Variants in DIP2C observed in about 807,000 individuals in gnomAD.
DIP2C encodes the protein disco-interacting protein 2 homolog C.
A neutral mutation model predicts 192.4 loss-of-function variants in DIP2C; 33 were observed. The ratio of observed to expected loss-of-function variants is 0.17; its 90% CI spans 0.13 to 0.23. DIP2C has a LOEUF of 0.23. DIP2C is among the 10% of genes least tolerant of loss of function. DIP2C has a pLI of 1.00. For synonymous variants in DIP2C, 979 were observed against 864.1 expected (o/e 1.13, Z -2.33); for missense variants, 1,537 against 2,110.1 (o/e 0.73, Z 5.32).
intron 34 of DIP2C, among the ~76,000 whole-genome samples, chr10:285,591 G>T (rs532777070): frequency 6.8e-4 from 104 of 152,356 alleles, no homozygotes; most frequent in African/African-American, 2.4e-3. Context: ...CAGAGAGAAT[G>T]CGGCGGAAGG....
chr10:615,128 C>T (rs948570011), intron 1 of DIP2C, among the ~76,000 whole-genome samples: 1 of 152,184 alleles, frequency 6.6e-6, no homozygotes, highest in Non-Finnish European at 1.5e-5. Flanking sequence ...GTGATTCCCA[C>T]GACACACGTG....
At chr10:452,551 A>C (rs1968933687) in intron 3 of DIP2C, among the ~76,000 whole-genome samples, 1 of 152,198 alleles carries the variant, frequency 6.6e-6, no homozygotes, top group South Asian at 2.1e-4. Flanking sequence ...GCCAGAAAGG[A>C]GCATCCGGCC....
intron 32 of DIP2C, among the ~76,000 whole-genome samples, chr10:290,719 T>C (rs1955447142): frequency 1.3e-5 from 2 of 152,148 alleles, no homozygotes; most frequent in South Asian, 4.1e-4. Flanking sequence ...GGGAAAGAAC[T>C]AGGAGGGGGT....
At chr10:588,596 C>T (rs1851224427) in intron 1 of DIP2C, among the ~76,000 whole-genome samples, 1 of 152,186 alleles carries the variant, frequency 6.6e-6, no homozygotes, top group Admixed American at 6.5e-5. Context: ...GGCAGAGGTC[C>T]CAGGAGGCAA....
rs1170307332 is a variant in DIP2C, at chr10:417,879, C to T, written c.739+1186G>A. ...CAGAGCTCGGACAGGCCTCCCTGTC[C>T]ACCTGCACCTGTCAGGGCTCGGATA... On this transcript the variant is annotated intron_variant, in intron 6 of 36. Coordinates refer to ENST00000280886, the MANE Select transcript of DIP2C (RefSeq NM_014974.3). Among the ~76,000 whole-genome samples, 124 of 85,328 alleles carry T rather than the reference C, an allele frequency of 1.5e-3. 17 individuals are homozygous for T. The highest frequency in any genetic ancestry group is 2.1e-3 in the Non-Finnish European group (92 of 42,852). 56.0% of individuals were successfully genotyped at this position (85,328 alleles called of 152,430 possible). A position where few individuals can be genotyped will look rare whatever the true frequency, so the allele number is the denominator to read the frequency against.
chr10:640,718 C>G (rs1443524551), intron 1 of DIP2C, among the ~76,000 whole-genome samples: 1 of 143,924 alleles, frequency 6.9e-6, no homozygotes, highest in African/African-American at 2.8e-5. Flanking sequence ...GAAGAGGCTG[C>G]GCGCGGGGAA....
At position 274,332 on chromosome 10, in the gene DIP2C, T is replaced by G. The variant is rs765067807; in HGVS notation, c.*2993A>C. ...TTAAACATTTTTCAAAGTATGATTA[T>G]CTGTACTAAGTAATGCAACAAATTA... On this transcript the variant is annotated 3_prime_UTR_variant, in exon 37 of 37. Transcript: ENST00000280886. The G allele has an allele frequency of 6.6e-6, 1 of 152,256 alleles. No homozygotes were observed. The highest frequency in any genetic ancestry group is 2.4e-5 in the African/African-American group (1 of 41,468). 9.4% of individuals were successfully genotyped at this position (152,256 alleles called of 1,614,324 possible).
At chr10:532,335 CT>C (rs1344489301) in intron 1 of DIP2C, among the ~76,000 whole-genome samples, 1 of 152,174 alleles carries the variant, frequency 6.6e-6, no homozygotes, top group Non-Finnish European at 1.5e-5. Context: ...CACTCCCTCT[CT>C]CCCCTGGACA....
chr10:528,121 C>G (rs1379383594), intron 1 of DIP2C, among the ~76,000 whole-genome samples: 1 of 152,164 alleles, frequency 6.6e-6, no homozygotes, highest in African/African-American at 2.4e-5. Flanking sequence ...CTGGAACATC[C>G]CCCCTGAAGG....
chr10:527,481 T>C (rs1044891138), intron 1 of DIP2C, among the ~76,000 whole-genome samples: 2 of 152,252 alleles, frequency 1.3e-5, no homozygotes, highest in Admixed American at 6.5e-5. Context: ...ATGTGGTGTT[T>C]ATTCCCTCAT....
intron 31 of DIP2C, chr10:311,626 AACACACACAAC>A: frequency 8.4e-7 from 1 of 1,195,814 alleles, no homozygotes; most frequent in Non-Finnish European, 1.0e-6. Context: ...AACAGAAACC[AACACACACAAC>A]ACACACAGAC....
rs186636102 is a variant in DIP2C, at chr10:426,672, G to A, written c.395-3639C>T. 7.8e-3 allele frequency among the ~76,000 whole-genome samples: 1,187 copies of A among 152,286 alleles called. 10 individuals are homozygous for A. The highest frequency in any genetic ancestry group is 0.011 in the Non-Finnish European group (772 of 68,014). On this transcript the variant is annotated intron_variant, in intron 4 of 36. Coordinates refer to ENST00000280886, the MANE Select transcript of DIP2C (RefSeq NM_014974.3). ...AATAGATGTATACATCAAAGGAACA[G>A]AATTAAACCCAGAAATAAAGTCTTA...
intron 1 of DIP2C, among the ~76,000 whole-genome samples, chr10:653,569 C>T (rs990758758): frequency 9.9e-5 from 15 of 152,230 alleles, no homozygotes; most frequent in Admixed American, 4.6e-4. Flanking sequence ...ACATGAGCTA[C>T]GCTGCAAGTC....
chr10:399,993 A>G (rs1360991871), intron 9 of DIP2C, among the ~76,000 whole-genome samples: 4 of 152,330 alleles, frequency 2.6e-5, no homozygotes, highest in East Asian at 3.9e-4. Flanking sequence ...TCAGAGTTCT[A>G]AAAGTGTGGT....
intron 2 of DIP2C, among the ~76,000 whole-genome samples, chr10:477,021 T>C (rs1400362261): frequency 4.1e-3 from 1 of 246 alleles, no homozygotes; most frequent in Admixed American, 0.042. Flanking sequence ...TCCATTTAAA[T>C]CCAAACGTCA....
chr10:657,772 GA>G (rs1856468477), intron 1 of DIP2C, among the ~76,000 whole-genome samples: 1 of 147,042 alleles, frequency 6.8e-6, no homozygotes, highest in African/African-American at 2.5e-5. Flanking sequence ...CCTGACGCTT[GA>G]CCTGATGCTG....
intron 22 of DIP2C, among the ~76,000 whole-genome samples, chr10:358,336 G>T (rs980560193): frequency 2.0e-5 from 3 of 150,974 alleles, no homozygotes; most frequent in Admixed American, 6.6e-5. Context: ...GAGTTCTCTG[G>T]GGTCCACACA....
At chr10:416,120 G>T (rs1965620967) in intron 6 of DIP2C, among the ~76,000 whole-genome samples, 1 of 151,942 alleles carries the variant, frequency 6.6e-6, no homozygotes, top group African/African-American at 2.4e-5. Context: ...AGGATGTGCT[G>T]TTCTGCTGGT....
At chr10:664,413 T>C (rs1435920770) in intron 1 of DIP2C, 2 of 152,230 alleles carry the variant, frequency 1.3e-5, no homozygotes, top group Non-Finnish European at 2.9e-5. Flanking sequence ...TCAGCAGTCC[T>C]GGGTAGGCCC....
Sources: gnomAD v4.1 joint callset for allele counts (sites outside exome capture counted in the v4.1 genomes callset) on GRCh38, gnomAD v4.1.1 for gene constraint, MANE v1.5 for transcripts, NCBI Gene and HGNC (gene_info 2026-07-23, HGNC 2026-07-21) for gene names.